FREM3: variants seen among roughly 807,000 people sequenced by gnomAD.
FREM3 encodes the protein FRAS1 related extracellular matrix 3.
FREM3 carries 105 observed loss-of-function variants against 129.1 expected under a neutral mutation model. The ratio of observed to expected loss-of-function variants is 0.81; its 90% confidence interval spans 0.69 to 0.96. FREM3 has a LOEUF of 0.96. FREM3 is among the 40% of genes least tolerant of loss of function. FREM3 has a pLI of 0.00. For missense variants in FREM3, 2,593 were observed against 2,666.3 expected, an observed-to-expected ratio of 0.97 and a Z score of 0.61; for synonymous variants, 1,014 against 1,044.9, an observed-to-expected ratio of 0.97 and a Z score of 0.57.
intron 6 of FREM3, among the ~76,000 whole-genome samples, chr4:143,589,247 A>G (rs1738306252): frequency 6.6e-6 from 1 of 152,212 alleles, no homozygotes; most frequent in South Asian, 2.1e-4. Flanking sequence ...TAGTTTAATT[A>G]GATCCCATTT....
At chr4:143,649,446 A>T (rs1161796055) in intron 2 of FREM3, 2 of 152,226 alleles carry the variant, frequency 1.3e-5, no homozygotes, top group African/African-American at 4.8e-5. Flanking sequence ...CTTTGTGAAA[A>T]TTAAATATAC....
chr4:143,606,793 AT>A (rs5862654), intron 6 of FREM3, among the ~76,000 whole-genome samples: 67,713 of 151,576 alleles, frequency 0.45, 15,446 homozygotes, highest in African/African-American at 0.52. Flanking sequence ...ATCTAGAAGG[AT>A]TTTTTTTTAT....
intron 2 of FREM3, among the ~76,000 whole-genome samples, chr4:143,677,144 A>C (rs1187603825): frequency 6.6e-6 from 1 of 152,244 alleles, no homozygotes; most frequent in Non-Finnish European, 1.5e-5. Flanking sequence ...TTCAGACTAT[A>C]CTACAAGGCT....
chr4:143,692,309 C>T (rs537067287), intron 2 of FREM3, among the ~76,000 whole-genome samples: 1 of 152,126 alleles, frequency 6.6e-6, no homozygotes, highest in Non-Finnish European at 1.5e-5. Flanking sequence ...TACCATATGG[C>T]CTCTCATATA....
intron 6 of FREM3, among the ~76,000 whole-genome samples, chr4:143,591,286 T>C (rs938104995): frequency 2.0e-4 from 31 of 152,232 alleles, no homozygotes; most frequent in Non-Finnish European, 4.4e-5. Flanking sequence ...TGCTAGCTTT[T>C]GAATGTGTTT....
At chr4:143,621,730 G>A (rs1441266948) in intron 4 of FREM3, among the ~76,000 whole-genome samples, 1 of 151,748 alleles carries the variant, frequency 6.6e-6, no homozygotes, top group Non-Finnish European at 1.5e-5. Flanking sequence ...ACACACGTTT[G>A]TGTGTGTGTG....
intron 6 of FREM3, among the ~76,000 whole-genome samples, chr4:143,587,740 T>C (rs190403979): frequency 5.0e-4 from 26 of 51,920 alleles, no homozygotes; most frequent in Non-Finnish European, 9.0e-4. Flanking sequence ...CTGTTTATCA[T>C]GGGCACTTCT....
chr4:143,696,043 G>A lies in FREM3; in HGVS notation c.4633C>T (p.Leu1545=), dbSNP rs953087210. The change falls in exon 1 of 8, where the codon CTA becomes TTA. Residue 1545 remains leucine (L), a synonymous_variant. Transcript: ENST00000329798. ...NKKPILTIHR[L]TLQKEDSQLI... is the part of the protein sequence containing the mutation. ...TGGCTATCCTCTTTCTGTAGTGTTA[G>A]TCTATGGATGGTCAAGATAGGTTTC... 5.3e-5 allele frequency: 81 copies of A among 1,537,668 alleles called. No homozygotes were observed. The highest frequency in any genetic ancestry group is 6.9e-5 in the Non-Finnish European group (79 of 1,147,040).
chr4:143,605,236 A>T (rs528658089), intron 6 of FREM3, among the ~76,000 whole-genome samples: 1 of 152,062 alleles, frequency 6.6e-6, no homozygotes, highest in African/African-American at 2.4e-5. Context: ...AAGTTCTCTT[A>T]TGAACATTAG....
intron 1 of FREM3, among the ~76,000 whole-genome samples, chr4:143,695,140 T>C (rs908147492): frequency 6.6e-6 from 1 of 152,258 alleles, no homozygotes; most frequent in African/African-American, 2.4e-5. Flanking sequence ...AAATGATTTC[T>C]ATATGTCATT....
chr4:143,673,507 G>A (rs970747848), intron 2 of FREM3, among the ~76,000 whole-genome samples: 1 of 152,206 alleles, frequency 6.6e-6, no homozygotes, highest in Admixed American at 6.5e-5. Context: ...CCCCTACTGG[G>A]GGGTGCCTCC....
chr4:143,669,089 G>A (rs1035411097), intron 2 of FREM3, among the ~76,000 whole-genome samples: 1 of 152,154 alleles, frequency 6.6e-6, no homozygotes, highest in Non-Finnish European at 1.5e-5. Context: ...TTCTAAAAGT[G>A]GCAGTGGTTT....
chr4:143,592,516 A>G (rs1254162456), intron 6 of FREM3, among the ~76,000 whole-genome samples: 1 of 152,170 alleles, frequency 6.6e-6, no homozygotes, highest in Non-Finnish European at 1.5e-5. Context: ...GTTTGGCTGG[A>G]TATGAAATTC....
At chr4:143,587,900 A>G (rs998536636) in intron 6 of FREM3, among the ~76,000 whole-genome samples, 3 of 152,154 alleles carry the variant, frequency 2.0e-5, no homozygotes, top group African/African-American at 7.2e-5. Context: ...AGCCCTCTAG[A>G]TGGCACCTTT....
At chr4:143,664,049 A>G (rs1442506960) in intron 2 of FREM3, among the ~76,000 whole-genome samples, 5 of 152,032 alleles carry the variant, frequency 3.3e-5, no homozygotes, top group African/African-American at 1.2e-4. Flanking sequence ...TGTAGTTCGG[A>G]GTAGTTTGAT....
In FREM3 at chr4:143,695,875, G is replaced by A. The variant is rs773053656; in HGVS notation, c.4801C>T (p.Leu1601=). 1.3e-6 allele frequency: 2 copies of A among 1,537,412 alleles called. No homozygotes were observed. The highest frequency in any genetic ancestry group is 2.7e-5 in the African/African-American group (2 of 73,012). ...RPVTTFTKQD[L]NKNLISYKHD... is the part of the protein sequence containing the mutation. ...TTGTAGCTAATCAGGTTCTTGTTCA[G>A]GTCTTGCTTGGTGAAAGTGGTCACG... Residue 1601 remains leucine (L), a synonymous_variant, in exon 1 of 8, where the codon CTG becomes TTG. Coordinates refer to ENST00000329798, the MANE Select transcript of FREM3 (RefSeq NM_001168235.2).
At chr4:143,621,360 A>T (rs971643350) in intron 4 of FREM3, among the ~76,000 whole-genome samples, 198 bp from the exon 5 acceptor site, 4 of 152,054 alleles carry the variant, frequency 2.6e-5, no homozygotes, top group African/African-American at 9.7e-5. Flanking sequence ...GTTTTAGGAG[A>T]CCTCTTTTGA....
chr4:143,593,137 C>G lies in FREM3; in HGVS notation c.6029-7144G>C, dbSNP rs547940244. On this transcript the variant is annotated intron_variant, in intron 6 of 7. Coordinates refer to ENST00000329798, the MANE Select transcript of FREM3 (RefSeq NM_001168235.2). The stretch of plus-strand genomic sequence containing the variant: ...TTGGTTATTCTAGTTATCCATTTAT[C>G]TAATTTTTTTCAAAGTTTTTAACTT... 3.3e-5 allele frequency among the ~76,000 whole-genome samples: 5 copies of G among 152,238 alleles called. No homozygotes were observed. The South Asian group carries it at 1.0e-3, about 32-fold the overall frequency.
chr4:143,592,550 A>T (rs1040912331), intron 6 of FREM3, among the ~76,000 whole-genome samples: 6 of 152,106 alleles, frequency 3.9e-5, no homozygotes, highest in African/African-American at 1.4e-4. Context: ...CTTTTCTTTA[A>T]GATTGTTGAA....
Sources: allele counts gnomAD v4.1 joint callset (sites outside exome capture counted in the v4.1 genomes callset), GRCh38; gene constraint gnomAD v4.1.1; transcripts MANE v1.5; gene names NCBI Gene and HGNC (gene_info 2026-07-23, HGNC 2026-07-21).